The following GABRG3 variants were observed in gnomAD, a reference collection of about 807,000 sequenced individuals.
GABRG3 encodes the protein gamma-aminobutyric acid receptor subunit gamma-3.
A neutral mutation model predicts 48.8 loss-of-function variants in GABRG3; 25 were observed. The observed-to-expected ratio is 0.51, with a 90% CI of 0.37 to 0.72. The LOEUF (loss-of-function observed/expected upper bound fraction) is 0.72, where lower values mean the gene tolerates loss of function less well. Ranked by LOEUF, GABRG3 falls within the 30% of genes least tolerant of loss-of-function variation. The pLI is 0.00. For synonymous variants in GABRG3, 227 were observed against 217.6 expected (o/e 1.04, Z -0.38); for missense variants, 394 against 577.9 (o/e 0.68, Z 3.26).
intron 3 of GABRG3, among the ~76,000 whole-genome samples, chr15:27,194,801 CAGA>C (rs758908787): frequency 3.9e-5 from 6 of 152,190 alleles, no homozygotes; most frequent in Non-Finnish European, 8.8e-5. Context: ...CTCCAAGTTT[CAGA>C]AGTTTTCAGC....
At chr15:27,066,805 C>G (rs1896745339) in intron 3 of GABRG3, among the ~76,000 whole-genome samples, 1 of 152,168 alleles carries the variant, frequency 6.6e-6, no homozygotes, top group Non-Finnish European at 1.5e-5. Context: ...CTGATTTTAT[C>G]CCGTTAAATC....
intron 3 of GABRG3, among the ~76,000 whole-genome samples, chr15:27,169,816 G>A (rs981847835): frequency 2.0e-5 from 3 of 152,112 alleles, no homozygotes; most frequent in Admixed American, 2.0e-4. Flanking sequence ...AGCCAGAGGG[G>A]AAGAAAGACA....
rs560220796 is a variant in GABRG3 at position 27,528,099 on chromosome 15, G to A, written c.1122+107G>A. On this transcript the variant is annotated intron_variant, in intron 9 of 9. Transcript: ENST00000615808. ...ATGCATGCATGTATTGAAGACCAAT[G>A]AGTGATGCACATGCTGACTTCAAAA... The A allele has an allele frequency of 2.1e-3, 1,730 of 822,730 alleles. 6 individuals are homozygous for A. Among genetic ancestry groups the A allele is most frequent in the Non-Finnish European group, 2.6e-3 (1,304 of 494,562 alleles). The allele number at this position is 822,730 out of a possible 1,614,324, so 51.0% of individuals were successfully genotyped here.
At chr15:27,076,318 C>CTTTTTTTTT (rs1230817571) in intron 3 of GABRG3, among the ~76,000 whole-genome samples, 1 of 106,474 alleles carries the variant, frequency 9.4e-6, no homozygotes, top group Non-Finnish European at 1.8e-5. Context: ...AGCCAACTGT[C>CTTTTTTTTT]TTTTTTTTTT....
At chr15:27,413,892 A>G (rs1167658058) in intron 5 of GABRG3, among the ~76,000 whole-genome samples, 1 of 152,198 alleles carries the variant, frequency 6.6e-6, no homozygotes, top group Non-Finnish European at 1.5e-5. Flanking sequence ...ATTAATGTTC[A>G]TGTTTAGAAG....
Position 27,426,486 on chromosome 15 carries a change from C to T in GABRG3, c.575-54164C>T, listed in dbSNP as rs113498726. On this transcript the variant is annotated intron_variant, in intron 5 of 9. Transcript: ENST00000615808. The stretch of plus-strand genomic sequence containing the variant: ...CCAAAGCCATGAGGTACGAAACACA[C>T]GTGCCAAATTATAAAAATGACAGAA... Among the ~76,000 whole-genome samples, 626 of 152,154 alleles carry T rather than the reference C, an allele frequency of 4.1e-3. 5 individuals carry two copies. Among genetic ancestry groups the T allele is most frequent in the African/African-American group, 0.014 (576 of 41,502 alleles).
At chr15:27,304,207 T>C (rs1892312842) in intron 3 of GABRG3, among the ~76,000 whole-genome samples, 1 of 151,836 alleles carries the variant, frequency 6.6e-6, no homozygotes, top group Non-Finnish European at 1.5e-5. Context: ...GTAGAAGATC[T>C]GGTCAGTGGA....
At chr15:27,523,602 A>G (rs1458734140) in intron 7 of GABRG3, among the ~76,000 whole-genome samples, 1 of 151,950 alleles carries the variant, frequency 6.6e-6, no homozygotes. Context: ...AATGTGCTTC[A>G]ATGAGCGAAT....
chr15:27,478,971 A>C (rs1041095607), intron 5 of GABRG3, among the ~76,000 whole-genome samples: 5 of 152,138 alleles, frequency 3.3e-5, no homozygotes, highest in African/African-American at 1.2e-4. Context: ...AAAATATATA[A>C]GTGACTGCCT....
chr15:27,265,882 G>GTTTTTTTTTTTTTTTT lies in GABRG3; in HGVS notation c.271-60912_271-60911insTTTTTTTTTTTTTTTT, dbSNP rs57522857. Among the ~76,000 whole-genome samples the GTTTTTTTTTTTTTTTT allele has an allele frequency of 2.8e-4, 36 of 127,574 alleles. 3 individuals are homozygous for GTTTTTTTTTTTTTTTT. The highest frequency in any genetic ancestry group is 4.1e-3 in the Middle Eastern group (1 of 244). 83.7% of individuals were successfully genotyped at this position (127,574 alleles called of 152,430 possible). ...GCAAGGTCAAGAAGATTTTCTCCTG[G>GTTTTTTTTTTTTTTTT]TTTTTTTTTTTTTTTGAGAGTGACC... On this transcript the variant is annotated intron_variant, in intron 3 of 9. Coordinates refer to ENST00000615808, the MANE Select transcript of GABRG3 (RefSeq NM_033223.5).
At chr15:27,308,524 A>C (rs919601877) in intron 3 of GABRG3, among the ~76,000 whole-genome samples, 1 of 147,762 alleles carries the variant, frequency 6.8e-6, no homozygotes, top group African/African-American at 2.5e-5. Context: ...GTAAACATAC[A>C]TGTTTATATA....
At chr15:27,489,986 A>G (rs1173423513) in intron 6 of GABRG3, among the ~76,000 whole-genome samples, 5 of 152,204 alleles carry the variant, frequency 3.3e-5, no homozygotes, top group Middle Eastern at 3.4e-3. Context: ...GTTTTCTTCT[A>G]GGGTTTGTAT....
Position 27,447,323 on chromosome 15 carries a change from T to C in GABRG3, c.575-33327T>C, listed in dbSNP as rs1007475737. On this transcript the variant is annotated intron_variant, in intron 5 of 9. Coordinates refer to ENST00000615808, the MANE Select transcript of GABRG3 (RefSeq NM_033223.5). The surrounding 1 kb of genome is among the most constrained non-coding windows in gnomAD (Gnocchi z 4.0). ...AGTCGAGCATGGCTGAGACTGGGCA[T>C]GTAGGCAGACATACTCACAGGCCTG... 1.3e-5 allele frequency among the ~76,000 whole-genome samples: 2 copies of C among 152,120 alleles called. No individual in the cohort carries two copies. Among genetic ancestry groups the C allele is most frequent in the African/African-American group, 4.8e-5 (2 of 41,434 alleles).
At chr15:27,092,623 C>T (rs1330076335) in intron 3 of GABRG3, among the ~76,000 whole-genome samples, 1 of 152,134 alleles carries the variant, frequency 6.6e-6, no homozygotes, top group East Asian at 1.9e-4. Context: ...TGCTTAATCT[C>T]GGGTGATTTA....
chr15:26,996,364 G>A (rs979986382), intron 2 of GABRG3, among the ~76,000 whole-genome samples: 1 of 151,886 alleles, frequency 6.6e-6, no homozygotes, highest in Non-Finnish European at 1.5e-5. Flanking sequence ...ACTTTTCAGA[G>A]ATAGTCTTTT....
intron 6 of GABRG3, among the ~76,000 whole-genome samples, chr15:27,492,436 C>T (rs1890378411): frequency 6.6e-6 from 1 of 152,118 alleles, no homozygotes; most frequent in Non-Finnish European, 1.5e-5. Flanking sequence ...GGCATGCAGC[C>T]CAGGGTGACT....
chr15:27,229,068 A>G (rs2140445904), intron 3 of GABRG3, among the ~76,000 whole-genome samples: 1 of 152,304 alleles, frequency 6.6e-6, no homozygotes, highest in South Asian at 2.1e-4. Context: ...CTTAAGTTTA[A>G]TTAGATCCCA....
intron 3 of GABRG3, among the ~76,000 whole-genome samples, chr15:27,177,024 A>G (rs1191340503): frequency 6.6e-6 from 1 of 152,150 alleles, no homozygotes; most frequent in Non-Finnish European, 1.5e-5. Context: ...TAGTGGGAGG[A>G]CAAGAGATAT....
intron 5 of GABRG3, among the ~76,000 whole-genome samples, chr15:27,400,404 T>C (rs777711675): frequency 2.6e-5 from 4 of 152,256 alleles, no homozygotes; most frequent in Non-Finnish European, 5.9e-5. Context: ...AATTAATTTA[T>C]CTGCTTTAAA....
Sources: allele counts gnomAD v4.1 joint callset (sites outside exome capture counted in the v4.1 genomes callset), GRCh38; gene constraint gnomAD v4.1.1; non-coding constraint Gnocchi (gnomAD v3.1); transcripts MANE v1.5; gene names NCBI Gene and HGNC (gene_info 2026-07-23, HGNC 2026-07-21).